The following NEK11 variants were observed in gnomAD, a reference collection of about 807,000 sequenced individuals.
The protein encoded by NEK11 is serine/threonine-protein kinase Nek11.
In NEK11, 72 loss-of-function variants were observed where a neutral mutation model predicts 80.7. The ratio of observed to expected loss-of-function variants is 0.89; its 90% CI spans 0.74 to 1.08. The LOEUF (loss-of-function observed/expected upper bound fraction) is 1.08, where lower values mean the gene tolerates loss of function less well. NEK11 is among the 50% of genes least tolerant of loss of function. NEK11 has a pLI of 0.00. For missense variants in NEK11, 764 were observed against 763.6 expected, an observed-to-expected ratio of 1.00 and a Z score of -0.01; for synonymous variants, 251 against 260.7, an observed-to-expected ratio of 0.96 and a Z score of 0.36.
At chr3:131,233,588 G>C (rs899892595) in intron 15 of NEK11, among the ~76,000 whole-genome samples, 4 of 152,184 alleles carry the variant, frequency 2.6e-5, no homozygotes, top group African/African-American at 9.7e-5. Context: ...AAGGGATCAT[G>C]AGTTAGGGAT....
intron 16 of NEK11, among the ~76,000 whole-genome samples, chr3:131,265,426 G>C (rs140239555): frequency 5.9e-4 from 90 of 152,256 alleles, no homozygotes; most frequent in Non-Finnish European, 1.1e-3. Flanking sequence ...TAGCATGAAG[G>C]GGTGTTGAAT....
chr3:131,249,199 A>G (rs970392538), intron 16 of NEK11, among the ~76,000 whole-genome samples: 1 of 152,160 alleles, frequency 6.6e-6, no homozygotes, highest in Non-Finnish European at 1.5e-5. Flanking sequence ...TATAAAGCAG[A>G]TAGATGAGTG....
At chr3:131,301,808 T>A (rs981627842) in intron 17 of NEK11, among the ~76,000 whole-genome samples, 1 of 151,996 alleles carries the variant, frequency 6.6e-6, no homozygotes, top group Non-Finnish European at 1.5e-5. Context: ...TTTGCATCTA[T>A]GTTCATCAGG....
At chr3:131,096,236 A>T (rs1285082612) in intron 4 of NEK11, among the ~76,000 whole-genome samples, 3 of 151,470 alleles carry the variant, frequency 2.0e-5, no homozygotes, top group Admixed American at 6.6e-5. Flanking sequence ...GTTTATATCC[A>T]TGTGTGCTCA....
intron 12 of NEK11, among the ~76,000 whole-genome samples, chr3:131,166,013 C>G (rs188505824): frequency 6.6e-6 from 1 of 152,148 alleles, no homozygotes; most frequent in Non-Finnish European, 1.5e-5. Flanking sequence ...GTTGCAGATT[C>G]ACATGAAATG....
chr3:131,056,321 A>T (rs1274733448), intron 3 of NEK11, among the ~76,000 whole-genome samples: 2 of 152,056 alleles, frequency 1.3e-5, no homozygotes, highest in Admixed American at 1.3e-4. Context: ...CTATGTTAGG[A>T]GTTAGGTGTT....
rs1031805344 is a variant in NEK11, at chr3:131,073,523, G to A, written c.171-6900G>A. On this transcript the variant is annotated intron_variant, in intron 3 of 17. Coordinates refer to ENST00000383366, the MANE Select transcript of NEK11 (RefSeq NM_024800.5). Reference sequence around the variant, plus strand: ...TTAATTATTTGCCTATTATCTGTATGTAATACTCATATGCTGCTAAAATAT... The same window carrying A: ...TTAATTATTTGCCTATTATCTGTATATAATACTCATATGCTGCTAAAATAT... 3.3e-5 allele frequency among the ~76,000 whole-genome samples: 5 copies of A among 152,210 alleles called. No homozygotes were observed. The East Asian group carries it at 7.7e-4, about 24-fold the overall frequency.
At chr3:131,087,138 G>A (rs2076086420) in intron 4 of NEK11, among the ~76,000 whole-genome samples, 1 of 151,670 alleles carries the variant, frequency 6.6e-6, no homozygotes, top group Admixed American at 6.6e-5. Flanking sequence ...CCTCCCTCCG[G>A]CTGTTTTCTA....
chr3:131,192,060 C>A (rs1048157750), intron 14 of NEK11, among the ~76,000 whole-genome samples: 3 of 151,962 alleles, frequency 2.0e-5, no homozygotes, highest in Admixed American at 2.0e-4. Flanking sequence ...GGATTAATAT[C>A]CAGAATATAT....
At chr3:131,143,321 C>G (rs948611062) in intron 7 of NEK11, among the ~76,000 whole-genome samples, 1 of 152,108 alleles carries the variant, frequency 6.6e-6, no homozygotes, top group Non-Finnish European at 1.5e-5. Flanking sequence ...TTCTTCTGTT[C>G]TCATGTCCCT....
intron 14 of NEK11, among the ~76,000 whole-genome samples, chr3:131,217,504 C>T (rs77798596): frequency 0.019 from 2,957 of 152,190 alleles, 103 homozygotes; most frequent in African/African-American, 0.068. Context: ...CACTTAAAAA[C>T]GGGGATGCGT....
chr3:131,344,730 G>A (rs1449142952), intron 17 of NEK11, among the ~76,000 whole-genome samples: 4 of 152,288 alleles, frequency 2.6e-5, no homozygotes, highest in Non-Finnish European at 5.9e-5. Context: ...GGCAGAAGGG[G>A]AAGTGGGAGC....
At chr3:131,178,233 A>G (rs1241044318) in intron 14 of NEK11, among the ~76,000 whole-genome samples, 8 of 152,220 alleles carry the variant, frequency 5.3e-5, no homozygotes, top group Admixed American at 5.2e-4. Context: ...ACTGTTTACT[A>G]CTGTAGACTT....
intron 16 of NEK11, among the ~76,000 whole-genome samples, chr3:131,247,760 A>ATC (rs1194315130): frequency 6.6e-6 from 1 of 151,272 alleles, no homozygotes; most frequent in African/African-American, 2.4e-5. Flanking sequence ...TGTTTGCATC[A>ATC]TCTATGATTT....
Position 131,170,903 on chromosome 3 carries a change from G to A in NEK11, c.1399+16G>A. ...GGATACCATGGTATGTGTTTGCATT[G>A]ATTTTCAGAAGGATGCTCACAGCTG... is the stretch of plus-strand genomic sequence containing the variant. On this transcript the variant is annotated intron_variant, in intron 14 of 17. Coordinates refer to ENST00000383366, the MANE Select transcript of NEK11 (RefSeq NM_024800.5). The A allele has an allele frequency of 6.3e-7, 1 of 1,575,190 alleles. No individual in the cohort carries two copies. Among genetic ancestry groups the A allele is most frequent in the South Asian group, 1.1e-5 (1 of 90,290 alleles).
At chr3:131,171,055 A>G (rs1350789779) in intron 14 of NEK11, 168 bp downstream of exon 14, 2 of 638,064 alleles carry the variant, frequency 3.1e-6, no homozygotes, top group Non-Finnish European at 5.6e-6. Context: ...TAGAGAAGCC[A>G]AGGATTTTTC....
At chr3:131,065,431 A>G (rs1338577507) in intron 3 of NEK11, among the ~76,000 whole-genome samples, 1 of 152,214 alleles carries the variant, frequency 6.6e-6, no homozygotes, top group East Asian at 1.9e-4. Flanking sequence ...TCATTCCTTG[A>G]ACTAACTTTG....
At chr3:131,148,304 G>A (rs1325708956) in intron 7 of NEK11, among the ~76,000 whole-genome samples, 7 of 151,704 alleles carry the variant, frequency 4.6e-5, no homozygotes, top group Non-Finnish European at 7.4e-5. Flanking sequence ...TTGAATCAAC[G>A]TTCATGAAAA....
At chr3:131,029,067 C>T (rs2064387754) in intron 2 of NEK11, among the ~76,000 whole-genome samples, 1 of 152,202 alleles carries the variant, frequency 6.6e-6, no homozygotes, top group South Asian at 2.1e-4. Flanking sequence ...AAAAAATTCT[C>T]AATCCTTATC....
Sources: allele counts gnomAD v4.1 joint callset (sites outside exome capture counted in the v4.1 genomes callset), GRCh38; gene constraint gnomAD v4.1.1; transcripts MANE v1.5; gene names NCBI Gene and HGNC (gene_info 2026-07-23, HGNC 2026-07-21).